DNAH10: variants seen among roughly 807,000 people sequenced by gnomAD.
DNAH10 encodes the protein axonemal beta dynein heavy chain 10.
A neutral mutation model predicts 506.6 loss-of-function variants in DNAH10; 348 were observed. The ratio of observed to expected loss-of-function variants is 0.69; its 90% CI spans 0.63 to 0.75. DNAH10 has a LOEUF of 0.75. Ranked by LOEUF, DNAH10 falls within the 30% of genes least tolerant of loss-of-function variation. The probability of loss-of-function intolerance (pLI) is 0.00; values close to 1 mark genes in which losing one functional copy is unlikely to be tolerated. For missense variants in DNAH10, 5,179 were observed against 5,787.1 expected (o/e 0.89, Z 3.41); for synonymous variants, 2,059 against 2,198.6 (o/e 0.94, Z 1.78).
In DNAH10 at chr12:123,871,619, A is replaced by T; in HGVS notation, c.7785+17A>T. ...GAAACTAACGTAAGTCATTATTCAT[A>T]TGAATTATCTATTGCTGTGTAACAA... On this transcript the variant is annotated intron_variant, in intron 45 of 78. Transcript: ENST00000673944. 1 of 1,546,426 alleles carries T rather than the reference A, an allele frequency of 6.5e-7. No homozygotes were observed. The highest frequency in any genetic ancestry group is 1.2e-5 in the South Asian group (1 of 84,062).
At chr12:123,856,005 T>C (rs1393189383) in intron 36 of DNAH10, among the ~76,000 whole-genome samples, 1 of 149,018 alleles carries the variant, frequency 6.7e-6, no homozygotes, top group Non-Finnish European at 1.5e-5. Context: ...AATGCATATT[T>C]ACATTTATAT....
chr12:123,924,056 C>A, intron 66 of DNAH10, 189 bp downstream of exon 66: 2 of 734,162 alleles, frequency 2.7e-6, no homozygotes, highest in Non-Finnish European at 4.3e-6. Flanking sequence ...ATCGGAGCAG[C>A]CAGCCTCTGT....
At chr12:123,875,973 T>A (rs1952239864) in intron 47 of DNAH10, among the ~76,000 whole-genome samples, 1 of 152,238 alleles carries the variant, frequency 6.6e-6, no homozygotes, top group East Asian at 1.9e-4. Context: ...TAGTGCACAC[T>A]GCCTAGTGCA....
chr12:123,872,132 T>C (rs1157138721), intron 45 of DNAH10, among the ~76,000 whole-genome samples: 2 of 152,146 alleles, frequency 1.3e-5, no homozygotes, highest in Non-Finnish European at 2.9e-5. Context: ...GGCTGTCACA[T>C]TATTCACCAT....
intron 46 of DNAH10, among the ~76,000 whole-genome samples, chr12:123,874,265 G>GTCCATCCA (rs34989387): frequency 0.032 from 4,588 of 145,574 alleles, 92 homozygotes; most frequent in South Asian, 0.07. Flanking sequence ...GAGTCCGTCC[G>GTCCATCCA]TCCATCCATC....
chr12:123,897,543 G>A (rs1953310912), intron 54 of DNAH10, among the ~76,000 whole-genome samples: 1 of 151,978 alleles, frequency 6.6e-6, no homozygotes, highest in South Asian at 2.1e-4. Context: ...GGCAACATGG[G>A]TGAAACCTCA....
chr12:123,805,163 C>T (rs1958617895), intron 18 of DNAH10, 123 bp downstream of exon 18: 1 of 1,006,902 alleles, frequency 9.9e-7, no homozygotes, highest in Admixed American at 2.4e-5. Flanking sequence ...CAGAGGCTTT[C>T]TGGCAGAAGG....
rs1367463958 is a variant in DNAH10 at position 123,850,375 on chromosome 12, T to C, written c.6103-513T>C. ...TTGAGGGGTTTGAGGTGGGATTCTT[T>C]AGGCAGGAGTGACTGCATGAAGTCC... On this transcript the variant is annotated intron_variant, in intron 34 of 78. Coordinates refer to ENST00000673944, the MANE Select transcript of DNAH10 (RefSeq NM_001372106.1). The surrounding 1 kb of genome is among the most constrained non-coding windows in gnomAD (Gnocchi z 5.5). Among the ~76,000 whole-genome samples, 1 of 152,054 alleles carries C rather than the reference T, an allele frequency of 6.6e-6. No individual in the cohort carries two copies. The highest frequency in any genetic ancestry group is 2.4e-5 in the African/African-American group (1 of 41,382).
In DNAH10 at chr12:123,897,659, A is replaced by G. The variant is rs1173105894; in HGVS notation, c.9281-111A>G. 8.8e-6 allele frequency: 10 copies of G among 1,131,798 alleles called. No individual in the cohort carries two copies. The Admixed American group carries it at 3.1e-4, about 35-fold the overall frequency. 70.1% of individuals were successfully genotyped at this position (1,131,798 alleles called of 1,614,324 possible). A position where few individuals can be genotyped will look rare whatever the true frequency, so the allele number is the denominator to read the frequency against. ...AGGATCACCTGTGCCCAGGAGATGG[A>G]GGCTGCAGTGAGCCATGATCACGCC... On this transcript the variant is annotated intron_variant, in intron 54 of 78. Transcript: ENST00000673944.
At chr12:123,832,836 T>G (rs1408370626) in intron 26 of DNAH10, among the ~76,000 whole-genome samples, 1 of 152,204 alleles carries the variant, frequency 6.6e-6, no homozygotes, top group Non-Finnish European at 1.5e-5. Context: ...AGTTGCCATC[T>G]CTGTAAAATG....
intron 65 of DNAH10, among the ~76,000 whole-genome samples, chr12:123,921,733 A>G (rs1296991735): frequency 5.0e-5 from 3 of 59,804 alleles, no homozygotes; most frequent in Non-Finnish European, 8.8e-5. Flanking sequence ...TTTTTTTTTG[A>G]GACAGAATGT....
intron 13 of DNAH10, among the ~76,000 whole-genome samples, chr12:123,798,830 G>A (rs1295162499): frequency 6.7e-6 from 1 of 148,872 alleles, no homozygotes; most frequent in African/African-American, 2.5e-5. Context: ...AAATGACCAG[G>A]TGCAGTGGCT....
At chr12:123,801,189 G>C in intron 15 of DNAH10, 92 bp from the exon 16 acceptor site, 1 of 1,398,514 alleles carries the variant, frequency 7.2e-7, no homozygotes, top group South Asian at 1.6e-5. Flanking sequence ...TCTTGATTGA[G>C]ACCACGGTCT....
intron 45 of DNAH10, among the ~76,000 whole-genome samples, chr12:123,872,019 T>C (rs1364061042): frequency 6.6e-6 from 1 of 152,032 alleles, no homozygotes; most frequent in Non-Finnish European, 1.5e-5. Context: ...AATCTATGGG[T>C]GAGATAGAAG....
rs775885695 is a variant in DNAH10 at position 123,848,708 on chromosome 12, C to G, written c.5950-22C>G. 7.4e-6 allele frequency: 12 copies of G among 1,613,170 alleles called. No individual in the cohort carries two copies. In the East Asian group the frequency reaches 2.7e-4, roughly 36 times the overall value. ...TTTTAAAGATGAAAATTGCCCTTGT[C>G]CTGACATGTCTTTCTTCCTAGGCCG... On this transcript the variant is annotated intron_variant, in intron 33 of 78. Coordinates refer to ENST00000673944, the MANE Select transcript of DNAH10 (RefSeq NM_001372106.1).
intron 53 of DNAH10, 62 bp from the exon 54 acceptor site, chr12:123,894,581 G>A: frequency 6.7e-7 from 1 of 1,497,336 alleles, no homozygotes; most frequent in South Asian, 1.1e-5. Context: ...TTTTTGTAGA[G>A]ACAGGGTCTC....
At chr12:123,889,590 AG>A (rs1336757271) in intron 52 of DNAH10, among the ~76,000 whole-genome samples, 1 of 152,178 alleles carries the variant, frequency 6.6e-6, no homozygotes, top group Non-Finnish European at 1.5e-5. Context: ...GTGAGTGCAA[AG>A]GGGAGTTGCT....
chr12:123,877,716 G>GT lies in DNAH10; in HGVS notation c.8200-20_8200-19insT. ...TGAAGGACATTTGTGTGTTGGGGGG[G>GT]GTGTCTTTGCATTTTTCAGACGTTT... On this transcript the variant is annotated intron_variant, in intron 47 of 78. Transcript: ENST00000673944. The GT allele has an allele frequency of 6.2e-7, 1 of 1,604,458 alleles. No individual in the cohort carries two copies. The highest frequency in any genetic ancestry group is 1.1e-5 in the South Asian group (1 of 89,824).
At chr12:123,842,530 A>G (rs1047320502) in intron 30 of DNAH10, among the ~76,000 whole-genome samples, 8 of 152,202 alleles carry the variant, frequency 5.3e-5, no homozygotes, top group African/African-American at 1.9e-4. Flanking sequence ...CATTCTCTTG[A>G]TTTTGTACAC....
Sources: gnomAD v4.1 joint callset for allele counts (sites outside exome capture counted in the v4.1 genomes callset) on GRCh38, gnomAD v4.1.1 for gene constraint, Gnocchi (gnomAD v3.1) non-coding constraint, MANE v1.5 for transcripts, NCBI Gene and HGNC (gene_info 2026-07-23, HGNC 2026-07-21) for gene names.